The following CDH6 variants were observed in gnomAD, a reference collection of about 807,000 sequenced individuals.
The protein encoded by CDH6 is cadherin 6, also known as cadherin-6.
CDH6 carries 31 observed loss-of-function variants against 78.0 expected under a neutral mutation model. The observed-to-expected ratio is 0.40, with a 90% CI of 0.30 to 0.54. The LOEUF is 0.54. Ranked by LOEUF, CDH6 falls within the 20% of genes least tolerant of loss-of-function variation. The pLI is 0.56. For missense variants in CDH6, 724 were observed against 975.9 expected, an observed-to-expected ratio of 0.74 and a Z score of 3.44; for synonymous variants, 376 against 368.8, an observed-to-expected ratio of 1.02 and a Z score of -0.23.
At chr5:31,194,665 G>C (rs1475215626) in intron 1 of CDH6, among the ~76,000 whole-genome samples, 5 of 152,244 alleles carry the variant, frequency 3.3e-5, no homozygotes, top group African/African-American at 1.2e-4. Context: ...GGCTGGCCAG[G>C]CTCAAATCTG....
intron 1 of CDH6, among the ~76,000 whole-genome samples, chr5:31,218,082 T>G (rs58039581): frequency 0.014 from 2,187 of 152,274 alleles, 57 homozygotes; most frequent in African/African-American, 0.05. Context: ...AAAAATGGCA[T>G]TATTATTATA....
intron 11 of CDH6, chr5:31,319,012 T>A (rs1738404421): frequency 4.9e-6 from 1 of 202,632 alleles, no homozygotes; most frequent in Non-Finnish European, 1.0e-5. Flanking sequence ...GATATGCACA[T>A]AAATAAAAAC....
intron 2 of CDH6, among the ~76,000 whole-genome samples, chr5:31,281,744 G>A (rs1478182754): frequency 1.3e-5 from 2 of 152,094 alleles, no homozygotes; most frequent in Non-Finnish European, 2.9e-5. Flanking sequence ...AAATAACTTA[G>A]CCTGGGGTCT....
rs142193061 is a variant in CDH6, at chr5:31,296,029, C to T, written c.524-1260C>T. Among the ~76,000 whole-genome samples, 364 of 152,286 alleles carry T rather than the reference C, an allele frequency of 2.4e-3. 1 individual carries two copies. Among genetic ancestry groups the T allele is most frequent in the South Asian group, 5.6e-3 (27 of 4,828 alleles). On this transcript the variant is annotated intron_variant, in intron 3 of 11. Coordinates refer to ENST00000265071, the MANE Select transcript of CDH6 (RefSeq NM_004932.4). ...CCCCACCTCCCTTGCCAAATTACAA[C>T]GGTGGGTGGTCTGTTTTGTGCATCA...
chr5:31,217,936 A>AAATTG (rs1253464320), intron 1 of CDH6, among the ~76,000 whole-genome samples: 2 of 152,226 alleles, frequency 1.3e-5, no homozygotes, highest in Non-Finnish European at 2.9e-5. Context: ...ATACAGTTAA[A>AAATTG]AATTGAATGT....
intron 7 of CDH6, 39 bp from the exon 8 acceptor site, chr5:31,313,279 G>A (rs756201117): frequency 6.4e-7 from 1 of 1,562,608 alleles, no homozygotes; most frequent in East Asian, 2.3e-5. Context: ...ATAGGAAATA[G>A]AAAGAAAAGC....
At chr5:31,264,484 G>A (rs1270381039) in intron 1 of CDH6, among the ~76,000 whole-genome samples, 1 of 152,080 alleles carries the variant, frequency 6.6e-6, no homozygotes, top group Non-Finnish European at 1.5e-5. Context: ...CATTTTCCCA[G>A]GTTCACAGAG....
intron 1 of CDH6, among the ~76,000 whole-genome samples, chr5:31,220,674 G>C (rs1198905594): frequency 6.6e-6 from 1 of 152,150 alleles, no homozygotes; most frequent in Non-Finnish European, 1.5e-5. Flanking sequence ...GAAGAAGGTG[G>C]ACCTGGAAAT....
At position 31,325,909 on chromosome 5, in the gene CDH6, C is replaced by G; in HGVS notation, c.*2601C>G. The G allele has an allele frequency of 4.3e-6, 1 of 232,232 alleles. No homozygotes were observed. The allele number at this position is 232,232 out of a possible 1,614,324, so 14.4% of individuals were successfully genotyped here. A position where few individuals can be genotyped will look rare whatever the true frequency, so the allele number is the denominator to read the frequency against. On this transcript the variant is annotated 3_prime_UTR_variant, in exon 12 of 12. Coordinates refer to ENST00000265071, the MANE Select transcript of CDH6 (RefSeq NM_004932.4). ...GAGTGACGTTTTCCTATAATTCAGA[C>G]TCTTTGACATCGTGGAACCAATAAG...
intron 1 of CDH6, among the ~76,000 whole-genome samples, chr5:31,200,249 C>T (rs1190003481): frequency 6.6e-6 from 1 of 151,974 alleles, no homozygotes; most frequent in Non-Finnish European, 1.5e-5. Flanking sequence ...TCTTATCCTG[C>T]CTTCAGAGGG....
intron 1 of CDH6, among the ~76,000 whole-genome samples, chr5:31,226,122 CAT>C (rs1252576735): frequency 6.6e-6 from 1 of 152,154 alleles, no homozygotes; most frequent in Admixed American, 6.5e-5. Flanking sequence ...TTTGAGAAGA[CAT>C]GTTCTCATTA....
At position 31,297,293 on chromosome 5, in the gene CDH6, A is replaced by C. The variant is rs1223964481; in HGVS notation, c.528A>C (p.Thr176=). 2.5e-6 allele frequency: 4 copies of C among 1,611,560 alleles called. No homozygotes were observed. The highest frequency in any genetic ancestry group is 3.4e-6 in the Non-Finnish European group (4 of 1,177,914). The part of the protein sequence containing the change: ...ATVPEMSDVG[T]FVVQVTATDA... ...TTTATATTTCTGTCATTACAGGTAC[A>C]TTTGTTGTCCAAGTCACTGCGACGG... Residue 176 remains threonine (T), a synonymous_variant, in exon 4 of 12, where the codon ACA becomes ACC. Coordinates refer to ENST00000265071, the MANE Select transcript of CDH6 (RefSeq NM_004932.4).
chr5:31,305,245 A>T lies in CDH6; in HGVS notation c.1071A>T (p.Arg357=), dbSNP rs201380772. 77 of 1,613,964 alleles carry T rather than the reference A, an allele frequency of 4.8e-5. No individual in the cohort carries two copies. Among genetic ancestry groups the T allele is most frequent in the Admixed American group, 8.3e-5 (5 of 59,998 alleles). Residue 357 remains arginine, a synonymous_variant, in exon 7 of 12, where the codon CGA becomes CGT. Transcript: ENST00000265071. ...VEASNPYVEP[R]FLYLGPFKDS... is the part of the protein sequence containing the mutation. ...CCTCCAATCCTTATGTTGAGCCACG[A>T]TTTCTCTACTTGGGGCCTTTCAAAG...
rs192459981 is a variant in CDH6 at position 31,307,307 on chromosome 5, G to T, written c.1253+1880G>T. Among the ~76,000 whole-genome samples the T allele has an allele frequency of 1.6e-4, 25 of 152,318 alleles. No individual in the cohort carries two copies. In the East Asian group the frequency reaches 4.6e-3, roughly 28 times the overall value. On this transcript the variant is annotated intron_variant, in intron 7 of 11. Transcript: ENST00000265071. ...CAGATAAAAGAATGTGGGGCTCTAA[G>T]GCAGCAGTCATTTTCTTACTTTTTC...
At position 31,294,749 on chromosome 5, in the gene CDH6, C is replaced by T. The variant is rs924131578; in HGVS notation, c.523+493C>T. 2.6e-5 allele frequency among the ~76,000 whole-genome samples: 4 copies of T among 152,076 alleles called. No homozygotes were observed. The highest frequency in any genetic ancestry group is 9.7e-5 in the African/African-American group (4 of 41,392). On this transcript the variant is annotated intron_variant, in intron 3 of 11. Coordinates refer to ENST00000265071, the MANE Select transcript of CDH6 (RefSeq NM_004932.4). This position sits in a 1 kb window ranked among gnomAD's most constrained non-coding sequence, Gnocchi z 4.1. ...TTTTTTAATCCATAAACAATAGGCACGTTATGTCTAGGGAGTGGATCCTTT... is the reference window on the plus strand; with the variant it reads ...TTTTTTAATCCATAAACAATAGGCATGTTATGTCTAGGGAGTGGATCCTTT...
chr5:31,201,223 G>A (rs993155384), intron 1 of CDH6, among the ~76,000 whole-genome samples: 1 of 152,246 alleles, frequency 6.6e-6, no homozygotes, highest in Middle Eastern at 3.4e-3. Flanking sequence ...AGAATTTTGT[G>A]TGTTCCTACA....
chr5:31,268,565 G>A (rs1742426964), intron 2 of CDH6, among the ~76,000 whole-genome samples: 1 of 152,182 alleles, frequency 6.6e-6, no homozygotes, highest in Non-Finnish European at 1.5e-5. Flanking sequence ...TACAGGTTCT[G>A]TGCCTCATAA....
chr5:31,289,697 C>T (rs1173321011), intron 2 of CDH6, among the ~76,000 whole-genome samples: 5 of 152,212 alleles, frequency 3.3e-5, no homozygotes, highest in Non-Finnish European at 5.9e-5. Context: ...TGGTCACTGA[C>T]TCAGATGGTG....
chr5:31,218,809 G>T (rs186668694), intron 1 of CDH6, among the ~76,000 whole-genome samples: 1 of 152,246 alleles, frequency 6.6e-6, no homozygotes, highest in Admixed American at 6.5e-5. Context: ...TTAAGTCAGA[G>T]CATGTTACTC....
Sources: allele counts gnomAD v4.1 joint callset (sites outside exome capture counted in the v4.1 genomes callset), GRCh38; gene constraint gnomAD v4.1.1; non-coding constraint Gnocchi (gnomAD v3.1); transcripts MANE v1.5; gene names NCBI Gene and HGNC (gene_info 2026-07-23, HGNC 2026-07-21).